The following ADAMTS3 variants were observed in gnomAD, a reference collection of about 807,000 sequenced individuals.
The protein encoded by ADAMTS3 is ADAM metallopeptidase with thrombospondin type 1 motif 3, also known as A disintegrin and metalloproteinase with thrombospondin motifs 3.
ADAMTS3 carries 73 observed loss-of-function variants against 129.0 expected under a neutral mutation model. The observed-to-expected ratio is 0.57, with a 90% CI of 0.47 to 0.69. The LOEUF is 0.69. Among genes scored for constraint, ADAMTS3 ranks in the 30% least tolerant of loss-of-function variants. ADAMTS3 has a pLI of 0.00. For missense variants in ADAMTS3, 1,457 were observed against 1,514.5 expected (o/e 0.96, Z 0.63); for synonymous variants, 477 against 510.8 (o/e 0.93, Z 0.89).
At chr4:72,389,957 C>T (rs1287723295) in intron 4 of ADAMTS3, among the ~76,000 whole-genome samples, 1 of 151,974 alleles carries the variant, frequency 6.6e-6, no homozygotes, top group Non-Finnish European at 1.5e-5. Flanking sequence ...AATGTGTATA[C>T]ACACATATAG....
chr4:72,510,296 TA>T (rs1370555023), intron 3 of ADAMTS3, among the ~76,000 whole-genome samples: 2 of 152,002 alleles, frequency 1.3e-5, no homozygotes, highest in African/African-American at 4.8e-5. Flanking sequence ...GAGAATGATA[TA>T]AAGGGCATCC....
At chr4:72,374,941 T>C (rs191691869) in intron 4 of ADAMTS3, among the ~76,000 whole-genome samples, 1 of 152,312 alleles carries the variant, frequency 6.6e-6, no homozygotes, top group Admixed American at 6.5e-5. Flanking sequence ...CTACCTAAGC[T>C]GTATTGCTTG....
chr4:72,413,565 G>A (rs1293965929), intron 4 of ADAMTS3, among the ~76,000 whole-genome samples: 4 of 151,806 alleles, frequency 2.6e-5, no homozygotes, highest in Non-Finnish European at 4.4e-5. Flanking sequence ...ATATTAACAG[G>A]CAATTAAATA....
chr4:72,542,075 G>A (rs1306810279), intron 3 of ADAMTS3, among the ~76,000 whole-genome samples: 3 of 152,150 alleles, frequency 2.0e-5, no homozygotes, highest in Admixed American at 2.0e-4. Flanking sequence ...TTACTAGGTT[G>A]TTGTGGAAAT....
At chr4:72,476,087 C>A (rs1238162320) in intron 3 of ADAMTS3, among the ~76,000 whole-genome samples, 3 of 151,590 alleles carry the variant, frequency 2.0e-5, no homozygotes, top group South Asian at 2.1e-4. Context: ...GCAAAGTAAA[C>A]CCAAACTAAG....
At chr4:72,560,076 T>C (rs746304957) in intron 2 of ADAMTS3, among the ~76,000 whole-genome samples, 1 of 151,352 alleles carries the variant, frequency 6.6e-6, no homozygotes, top group Non-Finnish European at 1.5e-5. Context: ...AAACAAGCAA[T>C]AGAGGAAGGA....
intron 3 of ADAMTS3, among the ~76,000 whole-genome samples, chr4:72,456,296 T>C (rs202195069): frequency 1.6e-3 from 104 of 66,128 alleles, no homozygotes; most frequent in Non-Finnish European, 2.1e-3. Context: ...ATAGTATATA[T>C]ACTGTATATA....
At chr4:72,516,285 C>T (rs957888493) in intron 3 of ADAMTS3, among the ~76,000 whole-genome samples, 4 of 151,898 alleles carry the variant, frequency 2.6e-5, no homozygotes, top group African/African-American at 7.2e-5. Context: ...CCTCCAGCTT[C>T]GTTCTTTTAG....
chr4:72,500,871 T>C (rs1578738241), intron 3 of ADAMTS3, among the ~76,000 whole-genome samples: 1 of 152,036 alleles, frequency 6.6e-6, no homozygotes, highest in Admixed American at 6.6e-5. Context: ...AAATAGGGGG[T>C]CCTTTCCCTA....
At chr4:72,459,598 T>C (rs910448518) in intron 3 of ADAMTS3, among the ~76,000 whole-genome samples, 5 of 151,532 alleles carry the variant, frequency 3.3e-5, no homozygotes, top group Admixed American at 2.0e-4. Flanking sequence ...TGAGAAAATG[T>C]ACAGGAAATC....
intron 3 of ADAMTS3, among the ~76,000 whole-genome samples, chr4:72,437,035 T>C (rs535577858): frequency 3.3e-5 from 5 of 151,870 alleles, no homozygotes; most frequent in Admixed American, 3.3e-4. Flanking sequence ...GGTAGAGAAA[T>C]GTTGAATGAA....
chr4:72,539,281 A>T (rs549597515), intron 3 of ADAMTS3, among the ~76,000 whole-genome samples: 105 of 152,220 alleles, frequency 6.9e-4, no homozygotes, highest in Admixed American at 1.5e-3. Flanking sequence ...ATTAATATCC[A>T]GAATATATAA....
chr4:72,558,329 T>A (rs1040351715), intron 2 of ADAMTS3, among the ~76,000 whole-genome samples: 1 of 151,738 alleles, frequency 6.6e-6, no homozygotes, highest in East Asian at 1.9e-4. Context: ...TCCCTGCTTT[T>A]TCCAGCTTTT....
chr4:72,540,142 G>T (rs1468449333), intron 3 of ADAMTS3, among the ~76,000 whole-genome samples: 2 of 152,156 alleles, frequency 1.3e-5, no homozygotes. Context: ...TGACCAAAAT[G>T]CTGATAATGA....
At chr4:72,495,756 G>A (rs575510788) in intron 3 of ADAMTS3, among the ~76,000 whole-genome samples, 11 of 152,102 alleles carry the variant, frequency 7.2e-5, no homozygotes, top group African/African-American at 2.4e-4. Flanking sequence ...TGCCAACCCA[G>A]ATCTTTAGAA....
At chr4:72,346,732 C>T (rs1426392758) in intron 4 of ADAMTS3, among the ~76,000 whole-genome samples, 1 of 152,128 alleles carries the variant, frequency 6.6e-6, no homozygotes, top group Admixed American at 6.6e-5. Context: ...GTTGTTATAG[C>T]TGAGATTCAA....
chr4:72,568,502 C>A (rs1722079579), intron 1 of ADAMTS3, among the ~76,000 whole-genome samples, 192 bp downstream of exon 1: 1 of 152,084 alleles, frequency 6.6e-6, no homozygotes, highest in Non-Finnish European at 1.5e-5. Flanking sequence ...CGTAACCTCC[C>A]GTGCAACTCA....
intron 3 of ADAMTS3, among the ~76,000 whole-genome samples, chr4:72,440,753 AT>A (rs778510907): frequency 1.3e-5 from 2 of 151,696 alleles, no homozygotes; most frequent in Non-Finnish European, 2.9e-5. Context: ...GAAAACTGAA[AT>A]TTCTCCCTGC....
chr4:72,346,311 CTTG>C (rs1720282641), intron 4 of ADAMTS3, among the ~76,000 whole-genome samples: 1 of 152,140 alleles, frequency 6.6e-6, no homozygotes, highest in Non-Finnish European at 1.5e-5. Context: ...GGTTACCCAC[CTTG>C]CTGAAATCTT....
Sources: gnomAD v4.1 joint callset for allele counts (sites outside exome capture counted in the v4.1 genomes callset) on GRCh38, gnomAD v4.1.1 for gene constraint, MANE v1.5 for transcripts, NCBI Gene and HGNC (gene_info 2026-07-23, HGNC 2026-07-21) for gene names.